Variants in SH3GL2 observed in about 807,000 individuals in gnomAD.
The protein encoded by SH3GL2 is endophilin-A1.
SH3GL2 carries 24 observed loss-of-function variants against 46.0 expected under a neutral mutation model. The observed-to-expected ratio is 0.52, with a 90% CI of 0.38 to 0.73. SH3GL2 has a LOEUF of 0.73. Among genes scored for constraint, SH3GL2 ranks in the 30% least tolerant of loss-of-function variants. SH3GL2 has a pLI of 0.00. For synonymous variants in SH3GL2, 196 were observed against 147.1 expected, an observed-to-expected ratio of 1.33 and a Z score of -2.40; for missense variants, 413 against 424.2, an observed-to-expected ratio of 0.97 and a Z score of 0.23.
intron 3 of SH3GL2, among the ~76,000 whole-genome samples, chr9:17,778,610 A>G (rs1823712635): frequency 1.3e-5 from 2 of 152,210 alleles, no homozygotes; most frequent in South Asian, 4.2e-4. Context: ...TCTAAATTAC[A>G]CTAAATAGGA....
intron 1 of SH3GL2, among the ~76,000 whole-genome samples, chr9:17,616,543 A>T (rs1290389863): frequency 6.6e-6 from 1 of 152,106 alleles, no homozygotes; most frequent in Non-Finnish European, 1.5e-5. Flanking sequence ...AGAAGGGGAG[A>T]GATCTGGGGG....
chr9:17,649,372 C>T (rs549625582), intron 1 of SH3GL2, among the ~76,000 whole-genome samples: 7 of 152,188 alleles, frequency 4.6e-5, no homozygotes, highest in African/African-American at 9.6e-5. Context: ...TGCCCTATCG[C>T]GTACATTTTT....
At chr9:17,677,172 CA>C (rs1019230935) in intron 1 of SH3GL2, among the ~76,000 whole-genome samples, 21 of 141,024 alleles carry the variant, frequency 1.5e-4, no homozygotes, top group African/African-American at 6.4e-4. Context: ...ATTTGAAAAA[CA>C]TTTTTTTTTC....
intron 2 of SH3GL2, among the ~76,000 whole-genome samples, chr9:17,751,473 T>TGTGC (rs1822842059): frequency 1.6e-5 from 2 of 128,814 alleles, no homozygotes; most frequent in Admixed American, 8.2e-5. Context: ...TGTGTTTTTG[T>TGTGC]GTGTGCGTGT....
At chr9:17,722,186 C>T (rs571653392) in intron 1 of SH3GL2, among the ~76,000 whole-genome samples, 5 of 152,128 alleles carry the variant, frequency 3.3e-5, no homozygotes, top group South Asian at 2.1e-4. Flanking sequence ...GCTTTTTGGG[C>T]TTCCTGTCTT....
At chr9:17,709,940 A>G (rs1417656429) in intron 1 of SH3GL2, among the ~76,000 whole-genome samples, 4 of 151,900 alleles carry the variant, frequency 2.6e-5, no homozygotes, top group African/African-American at 4.8e-5. Context: ...ACCATTAACA[A>G]TAGAGTGAGG....
chr9:17,777,333 T>G (rs751488105), intron 3 of SH3GL2, among the ~76,000 whole-genome samples: 3 of 151,486 alleles, frequency 2.0e-5, no homozygotes, highest in Non-Finnish European at 4.4e-5. Flanking sequence ...ATGAAAATTA[T>G]GTAATAATTG....
At chr9:17,777,670 C>G (rs931217985) in intron 3 of SH3GL2, among the ~76,000 whole-genome samples, 2 of 152,044 alleles carry the variant, frequency 1.3e-5, no homozygotes, top group Non-Finnish European at 2.9e-5. Context: ...CTCATGTAAC[C>G]TTTTCGTGGT....
rs1200691846 is a variant in SH3GL2 at position 17,789,498 on chromosome 9, A to T, written c.572A>T (p.Asp191Val). The T allele has an allele frequency of 6.2e-7, 1 of 1,613,476 alleles. No homozygotes were observed. The highest frequency in any genetic ancestry group is 8.5e-7 in the Non-Finnish European group (1 of 1,179,526). Reference sequence around the variant, plus strand: ...CTTCGTCAAGCTCTAGAGAAATTTGATGAGTCTAAGGAAATTGCTGAGTCA... The same window carrying T: ...CTTCGTCAAGCTCTAGAGAAATTTGTTGAGTCTAAGGAAATTGCTGAGTCA... Reference protein sequence around the residue: ...EELRQALEKFDESKEIAESSM... With the variant: ...EELRQALEKFVESKEIAESSM... The change falls in exon 6 of 9, where the codon GAT becomes GTT. Residue 191 changes from aspartate to valine, a missense_variant. By Grantham distance (152) the Asp-to-Val change is radical. Transcript: ENST00000380607.
chr9:17,697,924 A>G (rs1003016567), intron 1 of SH3GL2, among the ~76,000 whole-genome samples: 8 of 152,162 alleles, frequency 5.3e-5, no homozygotes, highest in African/African-American at 1.9e-4. Flanking sequence ...CTGGCATTGA[A>G]TCTCTGGGAG....
At chr9:17,618,987 A>G (rs1053985956) in intron 1 of SH3GL2, among the ~76,000 whole-genome samples, 1 of 152,204 alleles carries the variant, frequency 6.6e-6, no homozygotes, top group Admixed American at 6.5e-5. Context: ...AAATGACATA[A>G]GATCATTTTG....
intron 1 of SH3GL2, among the ~76,000 whole-genome samples, chr9:17,658,165 G>A (rs909422911): frequency 6.6e-6 from 1 of 152,172 alleles, no homozygotes; most frequent in South Asian, 2.1e-4. Context: ...TTAATGAACA[G>A]TGATTAAGAT....
chr9:17,720,434 C>T (rs905398906), intron 1 of SH3GL2, among the ~76,000 whole-genome samples: 3 of 152,046 alleles, frequency 2.0e-5, no homozygotes, highest in Admixed American at 6.6e-5. Context: ...GATTTATGAA[C>T]AGAAAAGGGA....
chr9:17,637,475 A>G (rs1819567247), intron 1 of SH3GL2, among the ~76,000 whole-genome samples: 1 of 152,110 alleles, frequency 6.6e-6, no homozygotes, highest in Non-Finnish European at 1.5e-5. Context: ...TTAGTCGGGA[A>G]CTCCTATAGC....
At chr9:17,778,385 T>C (rs1006606912) in intron 3 of SH3GL2, among the ~76,000 whole-genome samples, 4 of 152,080 alleles carry the variant, frequency 2.6e-5, no homozygotes, top group African/African-American at 9.7e-5. Context: ...TCAGATGTGA[T>C]CAGTGCAGTG....
intron 1 of SH3GL2, among the ~76,000 whole-genome samples, chr9:17,703,212 A>G (rs1821380472): frequency 6.6e-6 from 1 of 152,012 alleles, no homozygotes; most frequent in South Asian, 2.1e-4. Flanking sequence ...GTAGGGAATG[A>G]TTTTAAGGAT....
In SH3GL2 at chr9:17,623,858, C is replaced by T. The variant is rs73642001; in HGVS notation, c.45+44571C>T. Among the ~76,000 whole-genome samples, 1,304 of 152,162 alleles carry T rather than the reference C, an allele frequency of 8.6e-3. 14 individuals carry two copies. Among genetic ancestry groups the T allele is most frequent in the African/African-American group, 0.03 (1,229 of 41,492 alleles). On this transcript the variant is annotated intron_variant, in intron 1 of 8. Coordinates refer to ENST00000380607, the MANE Select transcript of SH3GL2 (RefSeq NM_003026.5). ...GGGATATTCTCTTATACTATAACCG[C>T]AGCACTATTATCAACTTGAGTAAAT...
At chr9:17,722,129 A>G (rs563387414) in intron 1 of SH3GL2, among the ~76,000 whole-genome samples, 15 of 152,234 alleles carry the variant, frequency 9.9e-5, no homozygotes, top group Middle Eastern at 3.4e-3. Context: ...AGACCTGCCC[A>G]AAGTGACATA....
At chr9:17,649,111 A>T (rs553590508) in intron 1 of SH3GL2, among the ~76,000 whole-genome samples, 1 of 152,164 alleles carries the variant, frequency 6.6e-6, no homozygotes, top group African/African-American at 2.4e-5. Flanking sequence ...ATTTTTCATT[A>T]TTGTTTTGAG....
Sources: gnomAD v4.1 joint callset for allele counts (sites outside exome capture counted in the v4.1 genomes callset) on GRCh38, gnomAD v4.1.1 for gene constraint, MANE v1.5 for transcripts, NCBI Gene and HGNC (gene_info 2026-07-23, HGNC 2026-07-21) for gene names.